Variants in ADAMTS6 observed in about 807,000 individuals in gnomAD.
ADAMTS6 encodes the protein ADAM metallopeptidase with thrombospondin type 1 motif 6.
Under a neutral mutation model 144.3 loss-of-function variants are expected in ADAMTS6, and 23 were observed. The ratio of observed to expected loss-of-function variants is 0.16; its 90% CI spans 0.11 to 0.23. The LOEUF (loss-of-function observed/expected upper bound fraction) is 0.23, where lower values mean the gene tolerates loss of function less well. Among genes scored for constraint, ADAMTS6 ranks in the 10% least tolerant of loss-of-function variants. The pLI is 1.00. For missense variants in ADAMTS6, 999 were observed against 1,379.6 expected (o/e 0.72, Z 4.37); for synonymous variants, 444 against 457.5 (o/e 0.97, Z 0.38).
intron 20 of ADAMTS6, chr5:65,209,977 C>G (rs978611851): frequency 5.7e-6 from 1 of 176,718 alleles, no homozygotes; most frequent in Admixed American, 5.5e-5. Context: ...ACATAACAAA[C>G]AGAGATACCA....
chr5:65,478,668 T>C (rs1761007178), intron 1 of ADAMTS6, among the ~76,000 whole-genome samples: 1 of 152,174 alleles, frequency 6.6e-6, no homozygotes, highest in South Asian at 2.1e-4. Context: ...TGTGAAATAA[T>C]AGATATGATG....
chr5:65,467,583 T>A (rs1023257238), intron 3 of ADAMTS6, among the ~76,000 whole-genome samples: 39 of 152,274 alleles, frequency 2.6e-4, no homozygotes, highest in African/African-American at 9.1e-4. Flanking sequence ...ACCATATAAA[T>A]AAATTTTATG....
At chr5:65,386,355 A>G (rs1180094069) in intron 7 of ADAMTS6, among the ~76,000 whole-genome samples, 1 of 152,272 alleles carries the variant, frequency 6.6e-6, no homozygotes, top group East Asian at 1.9e-4. Flanking sequence ...TTTATCTATA[A>G]TAAATAGTAT....
intron 9 of ADAMTS6, among the ~76,000 whole-genome samples, chr5:65,321,491 T>C (rs1745607020): frequency 6.6e-6 from 1 of 152,072 alleles, no homozygotes; most frequent in African/African-American, 2.4e-5. Context: ...CTGTACACTG[T>C]CTGTTTGCTC....
At chr5:65,263,710 C>G (rs1761394151) in intron 12 of ADAMTS6, among the ~76,000 whole-genome samples, 1 of 152,190 alleles carries the variant, frequency 6.6e-6, no homozygotes, top group Non-Finnish European at 1.5e-5. Flanking sequence ...ATAACTCTAG[C>G]ATGATAAATC....
intron 7 of ADAMTS6, among the ~76,000 whole-genome samples, chr5:65,393,909 A>G (rs967103381): frequency 6.6e-6 from 1 of 152,298 alleles, no homozygotes; most frequent in Admixed American, 6.5e-5. Context: ...TGTCAGGAAA[A>G]CTGTGTAGCT....
At chr5:65,179,093 G>A (rs891594078) in intron 22 of ADAMTS6, among the ~76,000 whole-genome samples, 9 of 152,170 alleles carry the variant, frequency 5.9e-5, no homozygotes, top group African/African-American at 1.9e-4. Flanking sequence ...ACGCATGGCC[G>A]AAGCATGAGA....
intron 7 of ADAMTS6, among the ~76,000 whole-genome samples, chr5:65,382,076 C>T (rs776944174): frequency 3.9e-5 from 6 of 152,154 alleles, no homozygotes; most frequent in Non-Finnish European, 7.4e-5. Context: ...TAGACTTTTG[C>T]TTTTTGGAAC....
intron 24 of ADAMTS6, among the ~76,000 whole-genome samples, chr5:65,157,206 A>G (rs1485190656): frequency 2.0e-5 from 3 of 152,148 alleles, no homozygotes; most frequent in Admixed American, 6.5e-5. Flanking sequence ...AAATTAGACA[A>G]CCTGTTTCAT....
chr5:65,390,397 A>T (rs370242600), intron 7 of ADAMTS6, among the ~76,000 whole-genome samples: 1 of 152,222 alleles, frequency 6.6e-6, no homozygotes, highest in Non-Finnish European at 1.5e-5. Flanking sequence ...GTGAGCTGGT[A>T]AAAACTAGAG....
chr5:65,366,989 G>T (rs1202273718), intron 7 of ADAMTS6, among the ~76,000 whole-genome samples: 1 of 152,170 alleles, frequency 6.6e-6, no homozygotes, highest in East Asian at 1.9e-4. Context: ...GATGCGGGGG[G>T]TGGGGAGACT....
intron 1 of ADAMTS6, among the ~76,000 whole-genome samples, chr5:65,474,798 A>AAAAAAAAAAAAAAAAAAAAAG: frequency 9.5e-6 from 1 of 105,062 alleles, no homozygotes; most frequent in Non-Finnish European, 1.9e-5. Flanking sequence ...ACTGTGACCA[A>AAAAAAAAAAAAAAAAAAAAAG]AAAAAAAAAA....
chr5:65,463,992 T>A (rs1759812969), intron 3 of ADAMTS6, among the ~76,000 whole-genome samples: 1 of 152,220 alleles, frequency 6.6e-6, no homozygotes, highest in African/African-American at 2.4e-5. Flanking sequence ...TTGAACCTCA[T>A]GCCATGATCT....
In ADAMTS6 at chr5:65,473,543, TA is replaced by T. The variant is rs141073703; in HGVS notation, c.97+33del. The T allele has an allele frequency of 0.01, 15,910 of 1,543,422 alleles. 1,380 individuals are homozygous for T. The African/African-American group carries it at 0.19, about 19-fold the overall frequency. ...TCTTTTCTTGTCCAATTAATAGCAATATTTTTTGTCAGTTTCAAAAGCAAGA... is the reference window on the plus strand; with the variant it reads ...TCTTTTCTTGTCCAATTAATAGCAATTTTTTTGTCAGTTTCAAAAGCAAGA... On this transcript the variant is annotated intron_variant, in intron 2 of 24. Transcript: ENST00000381055.
At chr5:65,244,420 C>T (rs1759458843) in intron 14 of ADAMTS6, among the ~76,000 whole-genome samples, 2 of 152,224 alleles carry the variant, frequency 1.3e-5, no homozygotes, top group South Asian at 4.1e-4. Flanking sequence ...TATCTTCTAA[C>T]AATTCTCCTA....
chr5:65,263,079 T>A (rs1467418314), intron 12 of ADAMTS6, 117 bp from the exon 13 acceptor site: 1 of 1,267,904 alleles, frequency 7.9e-7, no homozygotes. Context: ...TCCCAATTGA[T>A]AACAGACAGA....
At chr5:65,319,416 G>A (rs1020730348) in intron 9 of ADAMTS6, among the ~76,000 whole-genome samples, 7 of 150,622 alleles carry the variant, frequency 4.6e-5, no homozygotes, top group Admixed American at 6.6e-5. Flanking sequence ...GTGGTGGCTC[G>A]GGCCTGTAAT....
At chr5:65,306,145 T>C (rs150720215) in intron 9 of ADAMTS6, among the ~76,000 whole-genome samples, 2 of 152,304 alleles carry the variant, frequency 1.3e-5, no homozygotes, top group East Asian at 3.9e-4. Flanking sequence ...AATGTAAATA[T>C]GTTGATGCTT....
At chr5:65,343,256 A>G (rs891277053) in intron 7 of ADAMTS6, among the ~76,000 whole-genome samples, 6 of 152,134 alleles carry the variant, frequency 3.9e-5, no homozygotes, top group Non-Finnish European at 7.4e-5. Context: ...AGCAAAAAGA[A>G]CAAAGATGGA....
Sources: allele counts gnomAD v4.1 joint callset (sites outside exome capture counted in the v4.1 genomes callset), GRCh38; gene constraint gnomAD v4.1.1; transcripts MANE v1.5; gene names NCBI Gene and HGNC (gene_info 2026-07-23, HGNC 2026-07-21).